Variants in TPRG1 observed in about 807,000 individuals in gnomAD.
The protein encoded by TPRG1 is tumor protein p63 regulated 1, also known as tumor protein p63-regulated gene 1 protein.
In TPRG1, 29 loss-of-function variants were observed where a neutral mutation model predicts 29.3. The observed-to-expected ratio is 0.99, with a 90% CI of 0.74 to 1.35. The LOEUF (loss-of-function observed/expected upper bound fraction) is 1.35, where lower values mean the gene tolerates loss of function less well. TPRG1 is among the 40% of genes most tolerant of loss of function. TPRG1 has a pLI of 0.00. For synonymous variants in TPRG1, 130 were observed against 116.8 expected, an observed-to-expected ratio of 1.11 and a Z score of -0.73; for missense variants, 327 against 335.0, an observed-to-expected ratio of 0.98 and a Z score of 0.19.
chr3:189,202,492 A>G (rs919613538), intron 1 of TPRG1, among the ~76,000 whole-genome samples: 1 of 152,116 alleles, frequency 6.6e-6, no homozygotes, highest in Non-Finnish European at 1.5e-5. Flanking sequence ...ATAACTTTAA[A>G]TCGTTCAATA....
chr3:189,175,392 G>T (rs1458306101), intron 1 of TPRG1, among the ~76,000 whole-genome samples: 1 of 152,192 alleles, frequency 6.6e-6, no homozygotes, highest in Non-Finnish European at 1.5e-5. Context: ...CTCAATATAG[G>T]GCCAGTGGAA....
intron 3 of TPRG1, among the ~76,000 whole-genome samples, chr3:189,007,526 A>G (rs1388544303): frequency 6.6e-6 from 1 of 151,556 alleles, no homozygotes; most frequent in Non-Finnish European, 1.5e-5. Context: ...ATACCATTTG[A>G]CCCAGCCATC....
chr3:189,258,706 G>A (rs1579074674), intron 4 of TPRG1, among the ~76,000 whole-genome samples: 1 of 152,206 alleles, frequency 6.6e-6, no homozygotes, highest in Non-Finnish European at 1.5e-5. Flanking sequence ...CCTGCCCAGA[G>A]AGGAGGAATC....
At chr3:189,223,805 T>C (rs1483314231) in intron 3 of TPRG1, among the ~76,000 whole-genome samples, 1 of 152,212 alleles carries the variant, frequency 6.6e-6, no homozygotes, top group African/African-American at 2.4e-5. Context: ...TAATGTACAA[T>C]GCTTATGACA....
rs1724511658 is a variant in TPRG1, at chr3:189,323,822, G to A, written c.*3002G>A. On this transcript the variant is annotated 3_prime_UTR_variant, in exon 6 of 6. Transcript: ENST00000345063. Reference sequence around the variant, plus strand: ...TTTCATAACCAAAATGTCATGGTTGGAGGTCTTCATTATTCGGTCTTTATC... The same window carrying A: ...TTTCATAACCAAAATGTCATGGTTGAAGGTCTTCATTATTCGGTCTTTATC... 2 of 152,152 alleles carry A rather than the reference G, an allele frequency of 1.3e-5. No individual in the cohort carries two copies. The highest frequency in any genetic ancestry group is 4.8e-5 in the African/African-American group (2 of 41,438). 9.4% of individuals were successfully genotyped at this position (152,152 alleles called of 1,614,324 possible).
rs563629603 is a variant in TPRG1, at chr3:189,256,828, C to T, written c.479+17919C>T. 1.1e-4 allele frequency among the ~76,000 whole-genome samples: 16 copies of T among 152,090 alleles called. 1 individual carries two copies. Among genetic ancestry groups the T allele is most frequent in the Middle Eastern group, 6.8e-3 (2 of 294 alleles). ...TTTTATCAGAGACTAGGATTGCAACCGCTGCTTTCTTTGCTTTCCATTTGC... is the reference window on the plus strand; with the variant it reads ...TTTTATCAGAGACTAGGATTGCAACTGCTGCTTTCTTTGCTTTCCATTTGC... On this transcript the variant is annotated intron_variant, in intron 4 of 5. Transcript: ENST00000345063.
intron 1 of TPRG1, among the ~76,000 whole-genome samples, chr3:189,186,973 T>A (rs371023180): frequency 6.7e-6 from 1 of 150,172 alleles, no homozygotes; most frequent in East Asian, 2.0e-4. Context: ...GATTCATTTG[T>A]TCATCTAAAG....
intron 4 of TPRG1, among the ~76,000 whole-genome samples, chr3:189,061,551 G>A (rs953190780): frequency 6.6e-6 from 1 of 152,094 alleles, no homozygotes; most frequent in Non-Finnish European, 1.5e-5. Flanking sequence ...ATCTGACAAA[G>A]GTCTAATATC....
intron 3 of TPRG1, among the ~76,000 whole-genome samples, chr3:189,136,547 C>T (rs1723767220): frequency 6.6e-6 from 1 of 152,166 alleles, no homozygotes; most frequent in Non-Finnish European, 1.5e-5. Context: ...TTGCTAAAGA[C>T]TCCTGGCTTC....
intron 4 of TPRG1, among the ~76,000 whole-genome samples, chr3:189,251,451 A>G (rs9870412): frequency 0.33 from 50,312 of 151,680 alleles, 11,850 homozygotes; most frequent in African/African-American, 0.67. Context: ...AAAAGACACA[A>G]AGACAAAGTA....
intron 4 of TPRG1, among the ~76,000 whole-genome samples, chr3:189,047,188 C>T (rs1715031466): frequency 6.6e-6 from 1 of 152,104 alleles, no homozygotes; most frequent in Non-Finnish European, 1.5e-5. Context: ...TAAATATATA[C>T]ACGCATAGGT....
At chr3:189,038,027 A>G (rs1714386424) in intron 4 of TPRG1, among the ~76,000 whole-genome samples, 2 of 151,748 alleles carry the variant, frequency 1.3e-5, no homozygotes, top group Non-Finnish European at 1.5e-5. Context: ...TAGAATTCCA[A>G]TCAAAACTTA....
At chr3:189,264,699 A>T (rs577199641) in intron 4 of TPRG1, among the ~76,000 whole-genome samples, 1 of 152,176 alleles carries the variant, frequency 6.6e-6, no homozygotes, top group Non-Finnish European at 1.5e-5. Flanking sequence ...AAAGCACAGC[A>T]ATTTTTATTA....
intron 3 of TPRG1, among the ~76,000 whole-genome samples, chr3:189,144,945 G>A (rs1226022384): frequency 6.6e-6 from 1 of 152,252 alleles, no homozygotes; most frequent in African/African-American, 2.4e-5. Context: ...TGACGCTTGA[G>A]CCTTGCTAAC....
intron 4 of TPRG1, among the ~76,000 whole-genome samples, chr3:189,080,187 A>G (rs1717495846): frequency 6.6e-6 from 1 of 152,218 alleles, no homozygotes; most frequent in Admixed American, 6.5e-5. Flanking sequence ...CGAAACAGAA[A>G]TCATGCTGGA....
At chr3:189,247,126 C>T (rs893952552) in intron 4 of TPRG1, among the ~76,000 whole-genome samples, 6 of 152,004 alleles carry the variant, frequency 3.9e-5, no homozygotes, top group African/African-American at 1.4e-4. Flanking sequence ...TACTGTCCCA[C>T]AAGTCTCTGA....
chr3:189,277,850 A>G (rs78358211), intron 4 of TPRG1, among the ~76,000 whole-genome samples: 13,502 of 152,276 alleles, frequency 0.089, 764 homozygotes, highest in East Asian at 0.15. Flanking sequence ...AACTTACTCA[A>G]AAATGGGGAA....
chr3:189,113,692 C>G (rs1720823874), intron 1 of TPRG1, among the ~76,000 whole-genome samples: 1 of 151,440 alleles, frequency 6.6e-6, no homozygotes, highest in African/African-American at 2.4e-5. Context: ...TTGATTTGCT[C>G]TCACTCATAG....
At chr3:189,209,511 C>T (rs1298863598) in intron 2 of TPRG1, among the ~76,000 whole-genome samples, 1 of 152,116 alleles carries the variant, frequency 6.6e-6, no homozygotes, top group Non-Finnish European at 1.5e-5. Flanking sequence ...AAACTCACAT[C>T]CTTTATCTGT....
Sources: gnomAD v4.1 joint callset for allele counts (sites outside exome capture counted in the v4.1 genomes callset) on GRCh38, gnomAD v4.1.1 for gene constraint, MANE v1.5 for transcripts, NCBI Gene and HGNC (gene_info 2026-07-23, HGNC 2026-07-21) for gene names.